The following ITPR1 variants were observed in gnomAD, a reference collection of about 807,000 sequenced individuals.
ITPR1 encodes inositol 1,4,5-trisphosphate receptor type 1.
In ITPR1, 96 loss-of-function variants were observed where a neutral mutation model predicts 318.4. The observed-to-expected ratio is 0.30, with a 90% CI of 0.26 to 0.36. The LOEUF (loss-of-function observed/expected upper bound fraction) is 0.36. Among genes scored for constraint, ITPR1 ranks in the 10% least tolerant of loss-of-function variants. ITPR1 has a pLI of 1.00. For missense variants in ITPR1, 2,440 were observed against 3,460.2 expected (o/e 0.71, Z 7.40); for synonymous variants, 1,312 against 1,289.9 (o/e 1.02, Z -0.37).
chr3:4,811,885 G>A (rs1257779291), intron 56 of ITPR1, among the ~76,000 whole-genome samples: 1 of 152,200 alleles, frequency 6.6e-6, no homozygotes, highest in Non-Finnish European at 1.5e-5. Flanking sequence ...TGGAAGCAGT[G>A]TAAATGTTCG....
chr3:4,736,216 C>G (rs532926853), intron 44 of ITPR1, among the ~76,000 whole-genome samples: 25 of 151,930 alleles, frequency 1.6e-4, no homozygotes, highest in Non-Finnish European at 3.4e-4. Context: ...TTGATAAAAG[C>G]TTTATTGAGA....
intron 19 of ITPR1, among the ~76,000 whole-genome samples, chr3:4,670,230 C>T (rs1994499): frequency 6.6e-6 from 1 of 152,110 alleles, no homozygotes; most frequent in Non-Finnish European, 1.5e-5. Flanking sequence ...AGCAGTTTTC[C>T]TGAGAAGTAC....
At chr3:4,594,053 A>G (rs1320538650) in intron 4 of ITPR1, among the ~76,000 whole-genome samples, 1 of 152,224 alleles carries the variant, frequency 6.6e-6, no homozygotes, top group Non-Finnish European at 1.5e-5. Flanking sequence ...TGGCAGAGGC[A>G]GCAAGAATGG....
rs187182910 is a variant in ITPR1, at chr3:4,536,316, A to G, written c.163+15222A>G. 3.6e-4 allele frequency among the ~76,000 whole-genome samples: 55 copies of G among 152,344 alleles called. 1 individual carries two copies. In the East Asian group the frequency reaches 6.9e-3, roughly 19 times the overall value. On this transcript the variant is annotated intron_variant, in intron 4 of 61. Transcript: ENST00000649015. ...TTTTTAATTGGACTTTAAGATAACT[A>G]TCTAATAGAATTGGAAGGGTGAGGT...
chr3:4,622,324 A>G (rs2092670543), intron 4 of ITPR1, among the ~76,000 whole-genome samples: 1 of 139,248 alleles, frequency 7.2e-6, no homozygotes, highest in Non-Finnish European at 1.6e-5. Context: ...CATGTTGGCC[A>G]GGATGGTCTC....
chr3:4,694,675 T>C (rs2094530552), intron 33 of ITPR1, among the ~76,000 whole-genome samples: 1 of 152,206 alleles, frequency 6.6e-6, no homozygotes, highest in Admixed American at 6.5e-5. Flanking sequence ...AAGGCAATTA[T>C]AACACAATTG....
At chr3:4,548,782 C>G (rs1270092900) in intron 4 of ITPR1, among the ~76,000 whole-genome samples, 1 of 152,194 alleles carries the variant, frequency 6.6e-6, no homozygotes, top group Non-Finnish European at 1.5e-5. Context: ...ACCTTTTAAT[C>G]TAAAGTAACT....
intron 59 of ITPR1, among the ~76,000 whole-genome samples, chr3:4,816,435 C>T (rs2049307757): frequency 6.6e-6 from 1 of 152,210 alleles, no homozygotes; most frequent in African/African-American, 2.4e-5. Context: ...AATGCCAGTT[C>T]ATCTTGTAAC....
At chr3:4,678,418 G>C (rs2094227736) in intron 24 of ITPR1, among the ~76,000 whole-genome samples, 1 of 152,128 alleles carries the variant, frequency 6.6e-6, no homozygotes, top group South Asian at 2.1e-4. Context: ...TGCAAAACTT[G>C]GTCACATCTT....
At chr3:4,524,172 C>G (rs963329422) in intron 4 of ITPR1, among the ~76,000 whole-genome samples, 3 of 152,208 alleles carry the variant, frequency 2.0e-5, no homozygotes, top group African/African-American at 7.2e-5. Context: ...GGTGAGGGGC[C>G]TAGGCAGCTC....
intron 44 of ITPR1, among the ~76,000 whole-genome samples, chr3:4,758,626 C>G (rs1283612954): frequency 6.6e-6 from 1 of 152,214 alleles, no homozygotes; most frequent in African/African-American, 2.4e-5. Flanking sequence ...TTCTCCTCCC[C>G]AGGACCACTT....
intron 55 of ITPR1, among the ~76,000 whole-genome samples, chr3:4,807,083 GAGAGGGGGGCTTAC>G (rs2048603971): frequency 1.0e-5 from 1 of 98,418 alleles, no homozygotes; most frequent in Non-Finnish European, 2.0e-5. Flanking sequence ...GACTTACAAA[GAGAGGGGGGCTTAC>G]AAAGAGAGGG....
chr3:4,636,574 G>A lies in ITPR1; in HGVS notation c.280-2810G>A, dbSNP rs1005382317. On this transcript the variant is annotated intron_variant, in intron 5 of 61. Coordinates refer to ENST00000649015, the MANE Select transcript of ITPR1 (RefSeq NM_001378452.1). ...CTCCCAAGTAGCTGGGACTACAGGCGCCCGCCACCATGCCCAGCTAATTTT... is the reference window on the plus strand; with the variant it reads ...CTCCCAAGTAGCTGGGACTACAGGCACCCGCCACCATGCCCAGCTAATTTT... Among the ~76,000 whole-genome samples the A allele has an allele frequency of 4.6e-5, 7 of 152,010 alleles. No homozygotes were observed. In the South Asian group the frequency reaches 1.0e-3, roughly 23 times the overall value.
In ITPR1 at chr3:4,666,457, A is replaced by G. The variant is rs565242601; in HGVS notation, c.1714-920A>G. On this transcript the variant is annotated intron_variant, in intron 17 of 61. Transcript: ENST00000649015. The stretch of plus-strand genomic sequence containing the variant: ...CTGGGTCTGTGGGGTGTGTCAAGAC[A>G]CTTTGCTTGTACATGAGGAAACAAA... Among the ~76,000 whole-genome samples the G allele has an allele frequency of 2.0e-5, 3 of 152,290 alleles. No homozygotes were observed. The East Asian group carries it at 5.8e-4, about 29-fold the overall frequency.
intron 4 of ITPR1, among the ~76,000 whole-genome samples, chr3:4,604,184 T>A (rs1173177600): frequency 6.6e-6 from 1 of 152,166 alleles, no homozygotes; most frequent in East Asian, 1.9e-4. Context: ...TCTGAGGATA[T>A]GTTTTAGGTG....
chr3:4,755,451 C>G (rs2044897509), intron 44 of ITPR1, among the ~76,000 whole-genome samples: 1 of 150,192 alleles, frequency 6.7e-6, no homozygotes, highest in African/African-American at 2.5e-5. Flanking sequence ...GTTGCCCAGG[C>G]TGGTCTTGAA....
chr3:4,516,722 T>C, intron 3 of ITPR1, 139 bp downstream of exon 3: 1 of 665,090 alleles, frequency 1.5e-6, no homozygotes, highest in Non-Finnish European at 2.7e-6. Context: ...AAACACCAAA[T>C]CTCATGTTAG....
At chr3:4,659,209 G>A (rs1398374276) in intron 13 of ITPR1, among the ~76,000 whole-genome samples, 5 of 152,110 alleles carry the variant, frequency 3.3e-5, no homozygotes, top group African/African-American at 4.8e-5. Flanking sequence ...TCCATTCAGA[G>A]GTAGCTACTG....
At chr3:4,800,653 G>A (rs922086793) in intron 54 of ITPR1, 53 bp downstream of exon 54, 13 of 1,547,908 alleles carry the variant, frequency 8.4e-6, no homozygotes, top group East Asian at 2.3e-5. Flanking sequence ...TAATAGGAAT[G>A]CCTTGCACTC....
Sources: gnomAD v4.1 joint callset for allele counts (sites outside exome capture counted in the v4.1 genomes callset) on GRCh38, gnomAD v4.1.1 for gene constraint, MANE v1.5 for transcripts, NCBI Gene and HGNC (gene_info 2026-07-23, HGNC 2026-07-21) for gene names.